The following ZNF728 variants were observed in gnomAD, a reference collection of about 807,000 sequenced individuals.
ZNF728 encodes the protein zinc finger protein 728.
A neutral mutation model predicts 12.5 loss-of-function variants in ZNF728; 12 were observed. That is an observed-to-expected ratio of 0.96 (90% CI 0.61 to 1.55). The LOEUF is 1.55. Ranked by LOEUF, ZNF728 falls within the 40% of genes most tolerant of loss-of-function variation. The pLI, the probability that ZNF728 is intolerant of heterozygous loss-of-function variation, is 0.00. For missense variants in ZNF728, 692 were observed against 719.2 expected (o/e 0.96, Z 0.43); for synonymous variants, 205 against 240.7 (o/e 0.85, Z 1.37).
chr19:22,985,952 C>T, intron 3 of ZNF728: 1 of 173,248 alleles, frequency 5.8e-6, no homozygotes, highest in Non-Finnish European at 1.2e-5. Context: ...CCTGCCCTAG[C>T]ATCTACCCTA....
intron 1 of ZNF728, among the ~76,000 whole-genome samples, chr19:23,000,118 C>T (rs1468800975): frequency 6.6e-6 from 1 of 152,088 alleles, no homozygotes; most frequent in African/African-American, 2.4e-5. Flanking sequence ...CCTGTAATCC[C>T]AGCACTTTGT....
chr19:22,984,577 T>TACAC lies in ZNF728; in HGVS notation c.226+2727_226+2730dup, dbSNP rs57794293. On this transcript the variant is annotated intron_variant, in intron 3 of 3. Transcript: ENST00000594710. ...CATCTCAAAAAAAAAAAAAAAAAAA[T>TACAC]ACACACACACACACACACACACACA... is the stretch of plus-strand genomic sequence containing the variant. Among the ~76,000 whole-genome samples, 810 of 109,212 alleles carry TACAC rather than the reference T, an allele frequency of 7.4e-3. 8 individuals carry two copies. The highest frequency in any genetic ancestry group is 0.051 in the East Asian group (190 of 3,724). 71.6% of individuals were successfully genotyped at this position (109,212 alleles called of 152,430 possible).
In ZNF728 at chr19:22,977,011, T is replaced by A; in HGVS notation, c.326A>T (p.Glu109Val). Residue 109 changes from glutamate to valine, a missense_variant, in exon 4 of 4, where the codon GAG (glutamate) becomes GTG (valine). Physicochemically the swap from Glu to Val is moderately radical, Grantham distance 121. Coordinates refer to ENST00000594710, the MANE Select transcript of ZNF728 (RefSeq NM_001267716.2). ...ACAACCAATTTTTAACTGTAAATTC[T>A]CATGTCCACATTTTTCATATCTTCT... ...ILRRYEKCGHENLQLKIGCTN... is the reference protein window; with the variant it reads ...ILRRYEKCGHVNLQLKIGCTN... 6.2e-7 allele frequency: 1 copy of A among 1,613,488 alleles called. No homozygotes were observed. Among genetic ancestry groups the A allele is most frequent in the Non-Finnish European group, 8.5e-7 (1 of 1,179,766 alleles).
At chr19:22,978,718 G>A (rs1968831340) in intron 3 of ZNF728, among the ~76,000 whole-genome samples, 1 of 152,098 alleles carries the variant, frequency 6.6e-6, no homozygotes, top group Admixed American at 6.6e-5. Context: ...AGGAAAACAG[G>A]GTCTGGAGTG....
chr19:22,984,574 AAATACAC>A (rs1568275673), intron 3 of ZNF728, among the ~76,000 whole-genome samples: 1 of 83,124 alleles, frequency 1.2e-5, no homozygotes. Flanking sequence ...AAAAAAAAAA[AAATACAC>A]ACACACACAC....
Position 22,976,634 on chromosome 19 carries a change from T to G in ZNF728, c.703A>C (p.Lys235Gln). The G allele has an allele frequency of 6.2e-7, 1 of 1,612,578 alleles. No individual in the cohort carries two copies. Among genetic ancestry groups the G allele is most frequent in the Non-Finnish European group, 8.5e-7 (1 of 1,179,498 alleles). Reference sequence around the variant, plus strand: ...AGGATTGAGAACTTACTAAAGGCTTTGCCACATTCTTCACATTTGCAGGGT... The same window carrying G: ...AGGATTGAGAACTTACTAAAGGCTTGGCCACATTCTTCACATTTGCAGGGT... The part of the protein sequence containing the change: ...EKPCKCEECG[K>Q]AFSKFSILTK... The change falls in exon 4 of 4, where the codon AAA becomes CAA. Residue 235 changes from lysine to glutamine, a missense_variant. By Grantham distance (53) the Lys-to-Gln change is moderately conservative. Transcript: ENST00000594710.
intron 3 of ZNF728, among the ~76,000 whole-genome samples, chr19:22,979,405 T>C (rs1431363400): frequency 6.6e-6 from 1 of 152,024 alleles, no homozygotes; most frequent in Non-Finnish European, 1.5e-5. Flanking sequence ...TACCTGAAAG[T>C]GATGGGGAGA....
chr19:22,992,401 C>G (rs1486912586), intron 1 of ZNF728, among the ~76,000 whole-genome samples: 1 of 152,020 alleles, frequency 6.6e-6, no homozygotes, highest in Non-Finnish European at 1.5e-5. Context: ...AGCCACCACA[C>G]CAGGCTAATT....
At chr19:22,986,281 T>G (rs964681672) in intron 3 of ZNF728, among the ~76,000 whole-genome samples, 1 of 151,916 alleles carries the variant, frequency 6.6e-6, no homozygotes, top group African/African-American at 2.4e-5. Flanking sequence ...GGAAGAAAAA[T>G]TAGTCAAAAA....
intron 1 of ZNF728, among the ~76,000 whole-genome samples, chr19:22,993,422 T>A (rs1398935960): frequency 2.6e-5 from 4 of 152,186 alleles, no homozygotes; most frequent in Non-Finnish European, 5.9e-5. Context: ...AAGGAGAGAT[T>A]CCCTCATAGA....
intron 2 of ZNF728, 23 bp downstream of exon 2, chr19:22,988,302 T>C (rs1968941069): frequency 6.2e-7 from 1 of 1,613,898 alleles, no homozygotes. Flanking sequence ...ATACTAGGAA[T>C]TGCGTATTAA....
chr19:22,984,575 AATAC>A (rs1968894875), intron 3 of ZNF728, among the ~76,000 whole-genome samples: 1 of 70,082 alleles, frequency 1.4e-5, no homozygotes. Flanking sequence ...AAAAAAAAAA[AATAC>A]ACACACACAC....
At chr19:22,989,120 G>A (rs912347728) in intron 1 of ZNF728, among the ~76,000 whole-genome samples, 3 of 149,618 alleles carry the variant, frequency 2.0e-5, no homozygotes, top group African/African-American at 7.4e-5. Flanking sequence ...ACATAGTTGT[G>A]TATATTGTTC....
At chr19:22,978,476 A>T (rs1177032997) in intron 3 of ZNF728, among the ~76,000 whole-genome samples, 1 of 152,232 alleles carries the variant, frequency 6.6e-6, no homozygotes, top group Non-Finnish European at 1.5e-5. Context: ...ATAACGTAAC[A>T]TAAAAAAACA....
chr19:22,980,198 G>GAAAAAAAAAAAAAAAAAAA (rs1568274736), intron 3 of ZNF728, among the ~76,000 whole-genome samples: 6 of 94,318 alleles, frequency 6.4e-5, no homozygotes, highest in East Asian at 3.0e-4. Flanking sequence ...AAAAAAAAAA[G>GAAAAAAAAAAAAAAAAAAA]AAACAAAAAA....
intron 3 of ZNF728, among the ~76,000 whole-genome samples, chr19:22,982,959 T>C (rs1280722502): frequency 6.6e-6 from 1 of 152,038 alleles, no homozygotes; most frequent in Non-Finnish European, 1.5e-5. Flanking sequence ...GGGCAAAGAC[T>C]TCATGACTAA....
chr19:22,988,505 T>G (rs1968944928), intron 1 of ZNF728, 54 bp from the exon 2 acceptor site: 1 of 1,598,310 alleles, frequency 6.3e-7, no homozygotes, highest in Admixed American at 1.8e-5. Flanking sequence ...GGCAGAATTT[T>G]TAATTTGACT....
intron 1 of ZNF728, among the ~76,000 whole-genome samples, chr19:23,000,043 G>A (rs1225945776): frequency 6.6e-6 from 1 of 151,958 alleles, no homozygotes; most frequent in Non-Finnish European, 1.5e-5. Flanking sequence ...AAAGCTAGAT[G>A]GAATTCTGTT....
At chr19:22,998,460 A>T (rs1159282135) in intron 1 of ZNF728, among the ~76,000 whole-genome samples, 3 of 152,108 alleles carry the variant, frequency 2.0e-5, no homozygotes, top group Non-Finnish European at 4.4e-5. Flanking sequence ...TGAGCCTGAG[A>T]GGTTGAGAGT....
Sources: gnomAD v4.1 joint callset for allele counts (sites outside exome capture counted in the v4.1 genomes callset) on GRCh38, gnomAD v4.1.1 for gene constraint, MANE v1.5 for transcripts, NCBI Gene and HGNC (gene_info 2026-07-23, HGNC 2026-07-21) for gene names.